Variants in KLHL17 observed in about 807,000 individuals in gnomAD.
KLHL17 encodes the protein kelch like family member 17.
A neutral mutation model predicts 64.6 loss-of-function variants in KLHL17; 71 were observed. The observed-to-expected ratio is 1.10, with a 90% CI of 0.91 to 1.34. The LOEUF (loss-of-function observed/expected upper bound fraction) is 1.34. KLHL17 is among the 40% of genes most tolerant of loss of function. KLHL17 has a pLI of 0.00. For synonymous variants in KLHL17, 612 were observed against 405.4 expected (o/e 1.51, Z -6.12); for missense variants, 1,140 against 935.0 (o/e 1.22, Z -2.86).
chr1:963,922 C>G lies in KLHL17; in HGVS notation c.1358C>G (p.Ala453Gly). 6.2e-7 allele frequency: 1 copy of G among 1,612,258 alleles called. No individual in the cohort carries two copies. The highest frequency in any genetic ancestry group is 1.1e-5 in the South Asian group (1 of 91,074). ...GYDGASCLNS[A>G]ERYDPLTGTW... Reference sequence around the variant, plus strand: ...GGCTGCGGTCCTGGTGCCCACAGTGCTGAACGCTACGACCCCCTGACCGGA... The same window carrying G: ...GGCTGCGGTCCTGGTGCCCACAGTGGTGAACGCTACGACCCCCTGACCGGA... Residue 453 changes from alanine (A) to glycine (G), a missense_variant and splice_region_variant, in exon 9 of 12, where the codon GCT becomes GGT. Transcript: ENST00000338591.
Position 963,230 on chromosome 1 carries a change from G to C in KLHL17, c.1164G>C (p.Gly388=). The C allele has an allele frequency of 6.2e-7, 1 of 1,607,354 alleles. No homozygotes were observed. Among genetic ancestry groups the C allele is most frequent in the Non-Finnish European group, 8.5e-7 (1 of 1,176,058 alleles). The change falls in exon 7 of 12, where the codon GGG becomes GGC. Residue 388 remains glycine (G), a synonymous_variant. Coordinates refer to ENST00000338591, the MANE Select transcript of KLHL17 (RefSeq NM_198317.3). ...RRARVGVAAV[G]NRLYAVGGYD... ...CCCGGGTGGGAGTGGCTGCGGTGGG[G>C]AACCGGCTCTATGCTGTGGGCGGGT...
At chr1:963,895 G>C in intron 8 of KLHL17, 25 bp from the exon 9 acceptor site, 1 of 1,610,298 alleles carries the variant, frequency 6.2e-7, no homozygotes, top group Non-Finnish European at 8.5e-7. Flanking sequence ...CTGCTGAGCT[G>C]TGGCTGCGGT....
intron 9 of KLHL17, 29 bp downstream of exon 9, chr1:964,037 TC>T: frequency 6.2e-7 from 1 of 1,612,068 alleles, no homozygotes; most frequent in South Asian, 1.1e-5. Context: ...CTGGGGGGCA[TC>T]CCCACCTTCC....
chr1:960,651 G>T lies in KLHL17; in HGVS notation c.-43G>T. On this transcript the variant is annotated 5_prime_UTR_variant, in exon 1 of 12. Transcript: ENST00000338591. ...CTCCGGCAGTCTCCGCGTCCGTTAA[G>T]CCCGCGGGTCCTCCGCGAATCGGCG... The T allele has an allele frequency of 7.5e-7, 1 of 1,337,158 alleles. No individual in the cohort carries two copies. The allele number at this position is 1,337,158 out of a possible 1,614,324, so 82.8% of individuals were successfully genotyped here.
Position 961,449 on chromosome 1 carries a change from C to T in KLHL17, c.264C>T (p.Arg88=). ...TGGCCATGAGCCGCATGCGCCAGCG[C>T]GGCCTCCTGTGCGACATCGTCCTGC... ...AFVAMSRMRQ[R]GLLCDIVLHV... Residue 88 remains arginine, a synonymous_variant, in exon 2 of 12, where the codon CGC becomes CGT. Transcript: ENST00000338591. The T allele has an allele frequency of 8.1e-6, 13 of 1,612,340 alleles. No individual in the cohort carries two copies. The highest frequency in any genetic ancestry group is 1.3e-5 in the African/African-American group (1 of 75,062).
intron 8 of KLHL17, 33 bp from the exon 9 acceptor site, chr1:963,887 G>A (rs1344138696): frequency 6.2e-7 from 1 of 1,607,556 alleles, no homozygotes; most frequent in Non-Finnish European, 8.5e-7. Context: ...TTCTGTCTCT[G>A]CTGAGCTGTG....
Position 961,719 on chromosome 1 carries a change from C to A in KLHL17, c.458C>A (p.Ala153Asp). The A allele has an allele frequency of 1.2e-6, 2 of 1,612,282 alleles. No homozygotes were observed. Among genetic ancestry groups the A allele is most frequent in the Non-Finnish European group, 8.5e-7 (1 of 1,179,522 alleles). ...CAGCTGGTGCAGTTTGCCTACACGGCTGAGATTGTGGTGGGCGAGGGCAAT... is the reference window on the plus strand; with the variant it reads ...CAGCTGGTGCAGTTTGCCTACACGGATGAGATTGTGGTGGGCGAGGGCAAT... ...LDQLVQFAYTAEIVVGEGNVQ... is the reference protein window; with the variant it reads ...LDQLVQFAYTDEIVVGEGNVQ... Residue 153 changes from alanine to aspartate, a missense_variant, in exon 3 of 12, where the codon GCT becomes GAT. Ala to Asp is a moderately radical substitution (Grantham distance 126). Coordinates refer to ENST00000338591, the MANE Select transcript of KLHL17 (RefSeq NM_198317.3).
At position 960,605 on chromosome 1, in the gene KLHL17, G is replaced by A; in HGVS notation, c.-89G>A. 6 of 1,151,932 alleles carry A rather than the reference G, an allele frequency of 5.2e-6. No individual in the cohort carries two copies. Among genetic ancestry groups the A allele is most frequent in the Non-Finnish European group, 6.5e-6 (6 of 919,576 alleles). The allele number at this position is 1,151,932 out of a possible 1,614,324, so 71.4% of individuals were successfully genotyped here. A position where few individuals can be genotyped will look rare whatever the true frequency, so the allele number is the denominator to read the frequency against. ...CGGCGGGAGTGAGCGACACAGAGCG[G>A]GCCGCCACCGCCGAGCAGCCCTCCG... On this transcript the variant is annotated 5_prime_UTR_variant, in exon 1 of 12. Coordinates refer to ENST00000338591, the MANE Select transcript of KLHL17 (RefSeq NM_198317.3).
chr1:962,654 C>T (rs1433247115), intron 5 of KLHL17, 50 bp from the exon 6 acceptor site: 4 of 1,542,112 alleles, frequency 2.6e-6, no homozygotes, highest in African/African-American at 1.4e-5. Flanking sequence ...AGCCCTGACG[C>T]CCAGTGTGCC....
At chr1:963,619 C>A in intron 8 of KLHL17, 115 bp downstream of exon 8, 2 of 1,226,920 alleles carry the variant, frequency 1.6e-6, no homozygotes, top group Non-Finnish European at 2.2e-6. Flanking sequence ...ATCCGCGAGG[C>A]CGTTTCACCC....
rs202112474 is a variant in KLHL17 at position 962,850 on chromosome 1, C to T, written c.975C>T (p.Gly325=). The change falls in exon 6 of 12, where the codon GGC becomes GGT. Residue 325 remains glycine (G), a synonymous_variant. Transcript: ENST00000338591. ...TCCACCTGCTGCCTGAGCAGAGGGGCGTCCTAGGCACCAGCCGCACACGTC... is the reference window on the plus strand; with the variant it reads ...TCCACCTGCTGCCTGAGCAGAGGGGTGTCCTAGGCACCAGCCGCACACGTC... ...LKFHLLPEQR[G]VLGTSRTRPR... 220 of 1,595,578 alleles carry T rather than the reference C, an allele frequency of 1.4e-4. No individual in the cohort carries two copies. The highest frequency in any genetic ancestry group is 6.7e-4 in the Middle Eastern group (4 of 6,002).
chr1:964,953 T>G lies in KLHL17; in HGVS notation c.1701-10T>G, dbSNP rs770480904. On this transcript the variant is annotated splice_polypyrimidine_tract_variant and intron_variant, in intron 11 of 11. Coordinates refer to ENST00000338591, the MANE Select transcript of KLHL17 (RefSeq NM_198317.3). Reference sequence around the variant, plus strand: ...CCTGCAGCCAGGGGCTCACCCCGCCTTCCCCCCAGGAGCACGCATGACCTG... The same window carrying G: ...CCTGCAGCCAGGGGCTCACCCCGCCGTCCCCCCAGGAGCACGCATGACCTG... 1.1e-5 allele frequency: 17 copies of G among 1,585,854 alleles called. No individual in the cohort carries two copies. Among genetic ancestry groups the G allele is most frequent in the Non-Finnish European group, 1.5e-5 (17 of 1,161,260 alleles).
rs890019950 is a variant in KLHL17 at position 961,363 on chromosome 1, C to A, written c.178C>A (p.Leu60Met). 2.5e-6 allele frequency: 4 copies of A among 1,592,590 alleles called. No individual in the cohort carries two copies. Among genetic ancestry groups the A allele is most frequent in the Admixed American group, 3.5e-5 (2 of 57,446 alleles). ...AAPMEGAVQLLSREGHSVAHN... is the reference protein window; with the variant it reads ...AAPMEGAVQLMSREGHSVAHN... Reference sequence around the variant, plus strand: ...CCCCATGGAGGGAGCCGTGCAGCTGCTGAGCCGCGAGGGCCACAGCGTGGC... The same window carrying A: ...CCCCATGGAGGGAGCCGTGCAGCTGATGAGCCGCGAGGGCCACAGCGTGGC... The change falls in exon 2 of 12, where the codon CTG becomes ATG. Residue 60 changes from leucine (L) to methionine (M), a missense_variant. By Grantham distance (15) the Leu-to-Met change is conservative. Coordinates refer to ENST00000338591, the MANE Select transcript of KLHL17 (RefSeq NM_198317.3).
Position 964,141 on chromosome 1 carries a change from C to T in KLHL17, c.1479C>T (p.Ser493=), listed in dbSNP as rs1642785142. ...TGTATGCTGTGGGCGGCTACGACAG[C>T]TCCTCACACCTGGCCACTGTGGAGA... The part of the protein sequence containing the change: ...GNLYAVGGYD[S]SSHLATVEKY... Residue 493 remains serine (S), a synonymous_variant, in exon 10 of 12, where the codon AGC becomes AGT. Transcript: ENST00000338591. The T allele has an allele frequency of 1.2e-6, 2 of 1,612,618 alleles. No homozygotes were observed. The highest frequency in any genetic ancestry group is 4.5e-5 in the East Asian group (2 of 44,894).
In KLHL17 at chr1:964,447, C is replaced by A; in HGVS notation, c.1617C>A (p.Asp539Glu). Reference protein sequence around the residue: ...EGALYVAGGNDGTSCLNSVER... With the variant: ...EGALYVAGGNEGTSCLNSVER... ...CCCTGTACGTGGCAGGGGGCAACGA[C>A]GGCACCAGCTGCCTCAACTCGGTAG... The change falls in exon 11 of 12, where the codon GAC (aspartate) becomes GAA (glutamate). Residue 539 changes from aspartate (D) to glutamate (E), a missense_variant. Physicochemically the swap from Asp to Glu is conservative, Grantham distance 45. Coordinates refer to ENST00000338591, the MANE Select transcript of KLHL17 (RefSeq NM_198317.3). The A allele has an allele frequency of 6.5e-7, 1 of 1,549,806 alleles. No individual in the cohort carries two copies. Among genetic ancestry groups the A allele is most frequent in the Non-Finnish European group, 8.7e-7 (1 of 1,146,654 alleles).
In KLHL17 at chr1:965,234, G is replaced by C. The variant is rs781273832; in HGVS notation, c.*43G>C. Reference sequence around the variant, plus strand: ...GCCTGCAGCCTCCCACATGCCTTAAGGGGACCGTGGCCCCCACCAGGGACG... The same window carrying C: ...GCCTGCAGCCTCCCACATGCCTTAACGGGACCGTGGCCCCCACCAGGGACG... On this transcript the variant is annotated 3_prime_UTR_variant, in exon 12 of 12. Transcript: ENST00000338591. 1.3e-6 allele frequency: 2 copies of C among 1,554,168 alleles called. No individual in the cohort carries two copies. Among genetic ancestry groups the C allele is most frequent in the Non-Finnish European group, 8.8e-7 (1 of 1,133,400 alleles).
chr1:962,562 G>T, intron 5 of KLHL17, 91 bp downstream of exon 5: 1 of 1,548,780 alleles, frequency 6.5e-7, no homozygotes, highest in Non-Finnish European at 8.7e-7. Context: ...CCCGAGTTCA[G>T]GGACTCCGTG....
At chr1:964,231 T>A in intron 10 of KLHL17, 51 bp downstream of exon 10, 2 of 1,602,672 alleles carry the variant, frequency 1.2e-6, no homozygotes, top group Non-Finnish European at 1.7e-6. Context: ...CGCGGGGCCC[T>A]CCTCCCTCTG....
chr1:964,522 T>G lies in KLHL17; in HGVS notation c.1692T>G (p.Asn564Lys). Residue 564 changes from asparagine (N) to lysine (K), a missense_variant, in exon 11 of 12, where the codon AAT becomes AAG. Asn to Lys is a moderately conservative substitution (Grantham distance 94). Transcript: ENST00000338591. ...AGAWESVAPM[N>K]IRRSTHDLVA... is the part of the protein sequence containing the mutation. ...CCTGGGAAAGCGTGGCGCCCATGAATATCCGCAGGTCCGCAGTGGGGCTGC... is the reference window on the plus strand; with the variant it reads ...CCTGGGAAAGCGTGGCGCCCATGAAGATCCGCAGGTCCGCAGTGGGGCTGC... The G allele has an allele frequency of 1.6e-5, 24 of 1,501,018 alleles. No individual in the cohort carries two copies. Among genetic ancestry groups the G allele is most frequent in the South Asian group, 3.8e-5 (3 of 79,528 alleles). The allele number at this position is 1,501,018 out of a possible 1,614,324, so 93.0% of individuals were successfully genotyped here.
Sources: allele counts gnomAD v4.1 joint callset, GRCh38; gene constraint gnomAD v4.1.1; transcripts MANE v1.5; gene names NCBI Gene and HGNC (gene_info 2026-07-23, HGNC 2026-07-21).